The following IARS1 variants were observed in gnomAD, a reference collection of about 807,000 sequenced individuals.
IARS1 encodes isoleucyl-tRNA synthetase 1.
A neutral mutation model predicts 168.2 loss-of-function variants in IARS1; 124 were observed. The observed-to-expected ratio is 0.74, with a 90% CI of 0.64 to 0.86. The LOEUF is 0.86. IARS1 is among the 40% of genes least tolerant of loss of function. IARS1 has a pLI of 0.00. For missense variants in IARS1, 1,452 were observed against 1,515.8 expected (o/e 0.96, Z 0.70); for synonymous variants, 532 against 529.4 (o/e 1.00, Z -0.07).
chr9:92,253,284 C>G (rs1398602929), intron 21 of IARS1, 78 bp downstream of exon 21: 1 of 885,172 alleles, frequency 1.1e-6, no homozygotes, highest in Non-Finnish European at 1.9e-6. Context: ...GTTCCTCTCC[C>G]TTCTGGCTAT....
intron 18 of IARS1, among the ~76,000 whole-genome samples, chr9:92,259,603 G>A (rs1346965783): frequency 6.6e-6 from 1 of 152,192 alleles, no homozygotes; most frequent in African/African-American, 2.4e-5. Context: ...CTGAGTCACA[G>A]GCCTGGGCAC....
intron 9 of IARS1, among the ~76,000 whole-genome samples, chr9:92,277,179 TTCA>T (rs1833886639): frequency 6.6e-6 from 1 of 151,998 alleles, no homozygotes; most frequent in Non-Finnish European, 1.5e-5. Flanking sequence ...GAGAAAAATA[TTCA>T]AATAAAAAAT....
In IARS1 at chr9:92,277,185, T is replaced by C. The variant is rs112060147; in HGVS notation, c.894+678A>G. Among the ~76,000 whole-genome samples the C allele has an allele frequency of 6.4e-3, 974 of 152,028 alleles. 8 individuals carry two copies. Among genetic ancestry groups the C allele is most frequent in the African/African-American group, 0.022 (908 of 41,430 alleles). On this transcript the variant is annotated intron_variant, in intron 9 of 33. Coordinates refer to ENST00000443024, the MANE Select transcript of IARS1 (RefSeq NM_002161.6). ...ATACAATTTGAGAAAAATATTCAAA[T>C]AAAAAATCCCAGCTTGGCCAGGCAC...
intron 6 of IARS1, 117 bp downstream of exon 6, chr9:92,285,605 G>A (rs1171251912): frequency 4.6e-6 from 3 of 646,994 alleles, no homozygotes; most frequent in African/African-American, 1.8e-5. Context: ...TCAAAGTGGT[G>A]GATGTCGTGG....
At chr9:92,254,818 T>A (rs1439715864) in intron 20 of IARS1, among the ~76,000 whole-genome samples, 1 of 150,884 alleles carries the variant, frequency 6.6e-6, no homozygotes, top group African/African-American at 2.4e-5. Flanking sequence ...CCTGAGGGAG[T>A]GGAGGACATG....
chr9:92,277,382 G>A lies in IARS1; in HGVS notation c.894+481C>T, dbSNP rs1833913743. On this transcript the variant is annotated intron_variant, in intron 9 of 33. Coordinates refer to ENST00000443024, the MANE Select transcript of IARS1 (RefSeq NM_002161.6). ...AGAGGTTGCAGTCAGCCAAGATCGC[G>A]CTATTGCACGATATTTGCACTCCAT... Among the ~76,000 whole-genome samples the A allele has an allele frequency of 4.6e-5, 7 of 152,056 alleles. 1 individual carries two copies. Among genetic ancestry groups the A allele is most frequent in the Admixed American group, 4.6e-4 (7 of 15,268 alleles).
chr9:92,272,864 CAA>C (rs869076663), intron 10 of IARS1, among the ~76,000 whole-genome samples: 1,097 of 57,034 alleles, frequency 0.019, 13 homozygotes, highest in African/African-American at 0.059. Flanking sequence ...CAAAACAAAA[CAA>C]AAAAAAAAAA....
chr9:92,230,841 G>A (rs472163), intron 30 of IARS1, among the ~76,000 whole-genome samples: 16,359 of 152,116 alleles, frequency 0.11, 1,043 homozygotes, highest in South Asian at 0.21. Context: ...TTTTCCTAAC[G>A]GCTAATGACG....
intron 30 of IARS1, among the ~76,000 whole-genome samples, chr9:92,236,663 CAG>C (rs1827580813): frequency 6.6e-6 from 1 of 152,150 alleles, no homozygotes; most frequent in Admixed American, 6.5e-5. Flanking sequence ...GACTGGCCAA[CAG>C]GGTGAAACCC....
chr9:92,287,132 C>G (rs1835584671), intron 4 of IARS1, among the ~76,000 whole-genome samples: 1 of 152,202 alleles, frequency 6.6e-6, no homozygotes, highest in African/African-American at 2.4e-5. Context: ...GGCATAGCAT[C>G]ACTTCTGTGG....
intron 7 of IARS1, among the ~76,000 whole-genome samples, chr9:92,278,791 TC>T (rs1488365694): frequency 6.6e-6 from 1 of 152,218 alleles, no homozygotes; most frequent in Non-Finnish European, 1.5e-5. Context: ...TCAACATACT[TC>T]CATGTATTAG....
intron 33 of IARS1, among the ~76,000 whole-genome samples, chr9:92,213,388 A>C (rs1838088070): frequency 6.6e-6 from 1 of 152,214 alleles, no homozygotes; most frequent in Non-Finnish European, 1.5e-5. Context: ...AAGAGAATGT[A>C]ATCGGTTAAT....
chr9:92,245,230 A>G (rs1206493137), intron 26 of IARS1, 159 bp from the exon 27 acceptor site: 2 of 611,114 alleles, frequency 3.3e-6, no homozygotes, highest in Admixed American at 2.8e-5. Flanking sequence ...GGTTGTAGCC[A>G]AGACATGACA....
intron 33 of IARS1, among the ~76,000 whole-genome samples, chr9:92,221,927 A>AT (rs1839716989): frequency 1.3e-5 from 2 of 152,226 alleles, no homozygotes; most frequent in Admixed American, 6.5e-5. Context: ...GGGTCAGCAA[A>AT]TATGCTGATT....
intron 6 of IARS1, among the ~76,000 whole-genome samples, chr9:92,282,577 C>T (rs1834777630): frequency 6.6e-6 from 1 of 151,986 alleles, no homozygotes; most frequent in South Asian, 2.1e-4. Context: ...TTGAGACCAG[C>T]TGGGGCAATA....
intron 10 of IARS1, among the ~76,000 whole-genome samples, chr9:92,273,359 A>G (rs566982029): frequency 6.6e-6 from 1 of 152,286 alleles, no homozygotes; most frequent in African/African-American, 2.4e-5. Context: ...TTTATTGGAT[A>G]TTTATACTGA....
Position 92,244,905 on chromosome 9 carries a change from C to T in IARS1, c.2904+54G>A, listed in dbSNP as rs555042785. 2.2e-5 allele frequency: 31 copies of T among 1,402,536 alleles called. No homozygotes were observed. In the Middle Eastern group the frequency reaches 7.7e-4, roughly 35 times the overall value. The allele number at this position is 1,402,536 out of a possible 1,614,324, so 86.9% of individuals were successfully genotyped here. A position where few individuals can be genotyped will look rare whatever the true frequency, so the allele number is the denominator to read the frequency against. On this transcript the variant is annotated intron_variant, in intron 27 of 33. Coordinates refer to ENST00000443024, the MANE Select transcript of IARS1 (RefSeq NM_002161.6). The stretch of plus-strand genomic sequence containing the variant: ...GGAAAGGCACAGGCAAATACTTTCT[C>T]CTCTTATGCTCTCATCTCTTGGTAA...
chr9:92,293,621 T>C lies in IARS1; in HGVS notation c.-18A>G. 2.9e-6 allele frequency: 1 copy of C among 344,584 alleles called. No individual in the cohort carries two copies. The highest frequency in any genetic ancestry group is 7.6e-5 in the East Asian group (1 of 13,184). 21.3% of individuals were successfully genotyped at this position (344,584 alleles called of 1,614,324 possible). A position where few individuals can be genotyped will look rare whatever the true frequency, so the allele number is the denominator to read the frequency against. On this transcript the variant is annotated 5_prime_UTR_variant, in exon 1 of 34. Transcript: ENST00000443024. ...GAAGAGAGGGCGTACCTGAGGGGCCTCGCGTGCCTGGACAGCCCCGCGGGC... is the reference window on the plus strand; with the variant it reads ...GAAGAGAGGGCGTACCTGAGGGGCCCCGCGTGCCTGGACAGCCCCGCGGGC...
At chr9:92,215,044 A>G in intron 33 of IARS1, among the ~76,000 whole-genome samples, 1 of 152,178 alleles carries the variant, frequency 6.6e-6, no homozygotes, top group Non-Finnish European at 1.5e-5. Context: ...TGAAGAGAGC[A>G]GTGGTTCTCC....
Sources: gnomAD v4.1 joint callset for allele counts (sites outside exome capture counted in the v4.1 genomes callset) on GRCh38, gnomAD v4.1.1 for gene constraint, MANE v1.5 for transcripts, NCBI Gene and HGNC (gene_info 2026-07-23, HGNC 2026-07-21) for gene names.